The following TBC1D22A variants were observed in gnomAD, a reference collection of about 807,000 sequenced individuals.
The protein encoded by TBC1D22A is TBC1 domain family member 22A.
Under a neutral mutation model 60.2 loss-of-function variants are expected in TBC1D22A, and 38 were observed. The observed-to-expected ratio is 0.63, with a 90% CI of 0.49 to 0.83. TBC1D22A has a LOEUF of 0.83. Among genes scored for constraint, TBC1D22A ranks in the 40% least tolerant of loss-of-function variants. The pLI is 0.00. For missense variants in TBC1D22A, 628 were observed against 701.0 expected (o/e 0.90, Z 1.18); for synonymous variants, 302 against 281.7 (o/e 1.07, Z -0.72).
intron 10 of TBC1D22A, among the ~76,000 whole-genome samples, chr22:47,019,413 C>G (rs1363709634): frequency 6.6e-6 from 1 of 152,234 alleles, no homozygotes; most frequent in East Asian, 1.9e-4. Context: ...ATTGGGAGGA[C>G]AGACGGGAGC....
chr22:46,783,473 T>C (rs1438406887), intron 1 of TBC1D22A, among the ~76,000 whole-genome samples: 1 of 152,214 alleles, frequency 6.6e-6, no homozygotes, highest in African/African-American at 2.4e-5. Flanking sequence ...CCATCCAGCA[T>C]GGGAAAGAGG....
At chr22:47,001,327 C>G (rs2061404244) in intron 10 of TBC1D22A, among the ~76,000 whole-genome samples, 1 of 135,114 alleles carries the variant, frequency 7.4e-6, no homozygotes, top group Non-Finnish European at 1.6e-5. Context: ...TTAATAACTC[C>G]AAACACCTTT....
intron 10 of TBC1D22A, among the ~76,000 whole-genome samples, chr22:47,029,168 A>G (rs2062366957): frequency 6.6e-6 from 1 of 152,160 alleles, no homozygotes; most frequent in Non-Finnish European, 1.5e-5. Context: ...CCGGGGATGC[A>G]AAGCTTCCAT....
At chr22:47,166,119 C>T (rs956753955) in intron 12 of TBC1D22A, among the ~76,000 whole-genome samples, 1 of 152,170 alleles carries the variant, frequency 6.6e-6, no homozygotes, top group Admixed American at 6.5e-5. Flanking sequence ...CTGCTGTGCC[C>T]GGGAGCAGGT....
intron 11 of TBC1D22A, among the ~76,000 whole-genome samples, chr22:47,054,569 A>G (rs1197095134): frequency 6.6e-6 from 1 of 152,176 alleles, no homozygotes; most frequent in African/African-American, 2.4e-5. Context: ...GAGCCTTCCC[A>G]GCGGCAGCTC....
chr22:47,073,498 G>A (rs751783659), intron 11 of TBC1D22A, among the ~76,000 whole-genome samples: 7 of 152,192 alleles, frequency 4.6e-5, no homozygotes, highest in Non-Finnish European at 1.0e-4. Flanking sequence ...CTGAGGCTGC[G>A]GGGAAAAACC....
At chr22:47,010,362 C>T (rs2061718645) in intron 10 of TBC1D22A, among the ~76,000 whole-genome samples, 2 of 152,318 alleles carry the variant, frequency 1.3e-5, no homozygotes, top group South Asian at 4.1e-4. Flanking sequence ...CCTCATTAGG[C>T]TCCAGAAGGG....
At chr22:46,913,473 A>G (rs773187509) in intron 8 of TBC1D22A, 143 of 1,341,374 alleles carry the variant, frequency 1.1e-4, no homozygotes, top group Non-Finnish European at 1.4e-4. Context: ...CAGCCCTCTG[A>G]CACTTTGTTT....
At chr22:47,104,042 C>T (rs890813700) in intron 11 of TBC1D22A, among the ~76,000 whole-genome samples, 1 of 152,272 alleles carries the variant, frequency 6.6e-6, no homozygotes. Flanking sequence ...CACGGTGGCT[C>T]ACGCCTGTAA....
At position 46,990,301 on chromosome 22, in the gene TBC1D22A, C is replaced by T. The variant is rs796705328; in HGVS notation, c.1126-7333C>T. On this transcript the variant is annotated intron_variant, in intron 9 of 12. Coordinates refer to ENST00000337137, the MANE Select transcript of TBC1D22A (RefSeq NM_014346.5). The surrounding 1 kb of genome is among the most constrained non-coding windows in gnomAD (Gnocchi z 4.6). ...TTTCTTATTTGTTCTTTTTTCCCTA[C>T]CTTCTTTGGATGAATTGATTATTTT... Among the ~76,000 whole-genome samples the T allele has an allele frequency of 4.6e-5, 7 of 152,190 alleles. No homozygotes were observed. The highest frequency in any genetic ancestry group is 1.7e-4 in the African/African-American group (7 of 41,526).
intron 5 of TBC1D22A, among the ~76,000 whole-genome samples, chr22:46,888,427 A>G (rs2068228224): frequency 6.6e-6 from 1 of 152,192 alleles, no homozygotes; most frequent in African/African-American, 2.4e-5. Context: ...GCCATCCGGG[A>G]TGTATTTGTT....
intron 4 of TBC1D22A, among the ~76,000 whole-genome samples, chr22:46,820,992 T>C (rs899485710): frequency 6.6e-5 from 10 of 152,278 alleles, no homozygotes; most frequent in Admixed American, 5.2e-4. Flanking sequence ...CCCTTCTTTG[T>C]CTTTTTTGAT....
chr22:46,800,314 C>T (rs374150923), intron 4 of TBC1D22A, among the ~76,000 whole-genome samples: 1 of 152,262 alleles, frequency 6.6e-6, no homozygotes, highest in African/African-American at 2.4e-5. Flanking sequence ...TCTGTGAGTT[C>T]GCCTAGAGCA....
At chr22:47,127,954 C>G (rs1601601428) in intron 12 of TBC1D22A, among the ~76,000 whole-genome samples, 1 of 126,728 alleles carries the variant, frequency 7.9e-6, no homozygotes, top group Admixed American at 7.9e-5. Flanking sequence ...TCCTCCACCC[C>G]ACCCGTCCTT....
intron 10 of TBC1D22A, among the ~76,000 whole-genome samples, chr22:47,004,484 C>A (rs573634484): frequency 1.3e-5 from 2 of 150,820 alleles, no homozygotes; most frequent in East Asian, 3.9e-4. Flanking sequence ...ACACACCCTG[C>A]ACACATGCCT....
In TBC1D22A at chr22:47,048,411, G is replaced by T. The variant is rs541781900; in HGVS notation, c.1329+11213G>T. 3.3e-4 allele frequency among the ~76,000 whole-genome samples: 51 copies of T among 152,328 alleles called. No homozygotes were observed. In the East Asian group the frequency reaches 9.3e-3, roughly 28 times the overall value. On this transcript the variant is annotated intron_variant, in intron 11 of 12. Transcript: ENST00000337137. ...GGGTGGTCAGGCCCCAGCACATCCA[G>T]TTACTACGTCACTTGCCGAGACGGT... is the stretch of plus-strand genomic sequence containing the variant.
intron 5 of TBC1D22A, among the ~76,000 whole-genome samples, chr22:46,879,310 G>A (rs530587138): frequency 2.3e-5 from 2 of 85,584 alleles, no homozygotes; most frequent in East Asian, 2.9e-4. Context: ...TGGGGTAGGC[G>A]GTGGTGACAT....
rs528929799 is a variant in TBC1D22A at position 46,951,992 on chromosome 22, A to G, written c.1016-22298A>G. On this transcript the variant is annotated intron_variant, in intron 8 of 12. Transcript: ENST00000337137. ...ACATTAAGAGCAGAAGTCACAGAGC[A>G]GGCTGTTTGTTACGAGTTTTGTAAA... Among the ~76,000 whole-genome samples the G allele has an allele frequency of 4.6e-5, 7 of 152,316 alleles. No individual in the cohort carries two copies. In the South Asian group the frequency reaches 1.5e-3, roughly 32 times the overall value.
rs1339100399 is a variant in TBC1D22A, at chr22:46,762,837, G to A, written c.51G>A (p.Lys17=). ...RKQFWKRSNS[K]LPGSIQHVYG... ...AATTCTGGAAGCGCAGCAACAGCAA[G>A]CTCCCGGGCAGGTGGGTGTGCCGCG... The change falls in exon 1 of 13, where the codon AAG becomes AAA. Residue 17 remains lysine, a synonymous_variant. Transcript: ENST00000337137. 1 of 1,464,540 alleles carries A rather than the reference G, an allele frequency of 6.8e-7. No homozygotes were observed. The highest frequency in any genetic ancestry group is 3.2e-5 in the Admixed American group (1 of 31,364). 90.7% of individuals were successfully genotyped at this position (1,464,540 alleles called of 1,614,324 possible). A position where few individuals can be genotyped will look rare whatever the true frequency, so the allele number is the denominator to read the frequency against.
Sources: gnomAD v4.1 joint callset for allele counts (sites outside exome capture counted in the v4.1 genomes callset) on GRCh38, gnomAD v4.1.1 for gene constraint, Gnocchi (gnomAD v3.1) non-coding constraint, MANE v1.5 for transcripts, NCBI Gene and HGNC (gene_info 2026-07-23, HGNC 2026-07-21) for gene names.